The following GLIS3 variants were observed in gnomAD, a reference collection of about 807,000 sequenced individuals.
The protein encoded by GLIS3 is GLIS family zinc finger 3, also known as zinc finger protein GLIS3.
In GLIS3, 53 loss-of-function variants were observed where a neutral mutation model predicts 78.6. That is an observed-to-expected ratio of 0.67 (90% CI 0.54 to 0.85). GLIS3 has a LOEUF of 0.85. Ranked by LOEUF, GLIS3 falls within the 40% of genes least tolerant of loss-of-function variation. The probability of loss-of-function intolerance (pLI) is 0.00; values close to 1 mark genes in which losing one functional copy is unlikely to be tolerated. For synonymous variants in GLIS3, 684 were observed against 509.9 expected (o/e 1.34, Z -4.60); for missense variants, 1,703 against 1,231.1 (o/e 1.38, Z -5.74).
At chr9:3,859,398 C>T (rs904004980) in intron 8 of GLIS3, among the ~76,000 whole-genome samples, 7 of 84,106 alleles carry the variant, frequency 8.3e-5, no homozygotes, top group Non-Finnish European at 1.6e-4. Flanking sequence ...CACACACACA[C>T]ACATCAAAAT....
At chr9:3,842,069 A>T (rs2130081770) in intron 9 of GLIS3, among the ~76,000 whole-genome samples, 1 of 152,360 alleles carries the variant, frequency 6.6e-6, no homozygotes, top group South Asian at 2.1e-4. Context: ...CCGGCAGAGA[A>T]GATTCCAGAC....
At chr9:4,331,307 C>G (rs149566274) in intron 2 of GLIS3, among the ~76,000 whole-genome samples, 1 of 152,252 alleles carries the variant, frequency 6.6e-6, no homozygotes, top group East Asian at 1.9e-4. Context: ...TCTGAGTCCT[C>G]TCCTTGTCTC....
chr9:4,092,017 G>A (rs1211968674), intron 4 of GLIS3, among the ~76,000 whole-genome samples: 1 of 152,078 alleles, frequency 6.6e-6, no homozygotes, highest in Non-Finnish European at 1.5e-5. Flanking sequence ...AGTGAGTGCT[G>A]AGAAACGTGA....
chr9:4,220,355 C>T (rs1821214845), intron 2 of GLIS3, among the ~76,000 whole-genome samples: 1 of 152,152 alleles, frequency 6.6e-6, no homozygotes, highest in Non-Finnish European at 1.5e-5. Flanking sequence ...ACATCAAAAA[C>T]TTATTAATCA....
intron 2 of GLIS3, among the ~76,000 whole-genome samples, chr9:4,320,433 C>A (rs191413118): frequency 6.6e-6 from 1 of 152,310 alleles, no homozygotes; most frequent in African/African-American, 2.4e-5. Flanking sequence ...CTGACCCATC[C>A]CCACTTTATT....
the GLIS3 span, among the ~76,000 whole-genome samples, chr9:4,480,580 T>TA: frequency 1.2e-4 from 18 of 152,228 alleles, no homozygotes; most frequent in South Asian, 3.5e-3. Context: ...TACCTAATGC[T>TA]ATATATCATA....
At chr9:4,473,856 A>G in the GLIS3 span, among the ~76,000 whole-genome samples, 1 of 152,188 alleles carries the variant, frequency 6.6e-6, no homozygotes, top group African/African-American at 2.4e-5. Flanking sequence ...TTAGATACTG[A>G]GAGAAAAACC....
chr9:4,328,099 C>T lies in GLIS3; in HGVS notation n.265-17571G>A, dbSNP rs559343718. 3.9e-5 allele frequency among the ~76,000 whole-genome samples: 6 copies of T among 152,280 alleles called. No homozygotes were observed. The East Asian group carries it at 5.8e-4, about 15-fold the overall frequency. On this transcript the variant is annotated intron_variant and non_coding_transcript_variant, in intron 2 of 4. Transcript: ENST00000471664. ...CCCAGCACATATGGTCTTCTGGTCA[C>T]GTGGCCCACTGATGGAAAAGCCCTG... is the stretch of plus-strand genomic sequence containing the variant.
chr9:3,903,450 T>C (rs1042338728), intron 6 of GLIS3, among the ~76,000 whole-genome samples: 1 of 152,252 alleles, frequency 6.6e-6, no homozygotes, highest in African/African-American at 2.4e-5. Flanking sequence ...GACTGCCGTG[T>C]TGCATGACAC....
At chr9:4,358,945 T>C in the GLIS3 span, among the ~76,000 whole-genome samples, 12 of 152,190 alleles carry the variant, frequency 7.9e-5, no homozygotes, top group African/African-American at 2.9e-4. Context: ...TAGTTCAAGA[T>C]GTGGCTGGGT....
intron 9 of GLIS3, among the ~76,000 whole-genome samples, chr9:3,854,205 G>A (rs1819611988): frequency 6.6e-6 from 1 of 152,200 alleles, no homozygotes; most frequent in South Asian, 2.1e-4. Context: ...TCAGAGGGAA[G>A]AGGGCTCAAT....
At chr9:4,035,405 C>T (rs896426867) in intron 4 of GLIS3, among the ~76,000 whole-genome samples, 1 of 151,400 alleles carries the variant, frequency 6.6e-6, no homozygotes, top group African/African-American at 2.4e-5. Context: ...TTTGACAACC[C>T]CAGAATATCC....
rs896013245 is a variant in GLIS3, at chr9:4,256,633, G to C, written c.388+29405C>G. 3.3e-5 allele frequency among the ~76,000 whole-genome samples: 5 copies of C among 152,104 alleles called. No homozygotes were observed. The East Asian group carries it at 9.6e-4, about 29-fold the overall frequency. ...TCTACTCCTAGATCATCATCAGAGA[G>C]GTAGTAAAAGGTCTACGTAACACAA... On this transcript the variant is annotated intron_variant, in intron 2 of 10. Transcript: ENST00000381971.
chr9:4,318,660 G>A (rs1587383059), intron 2 of GLIS3, among the ~76,000 whole-genome samples: 1 of 152,096 alleles, frequency 6.6e-6, no homozygotes, highest in African/African-American at 2.4e-5. Flanking sequence ...TAATGGGGAA[G>A]AGAAACCTCT....
At chr9:4,164,092 T>G (rs1023289896) in intron 2 of GLIS3, among the ~76,000 whole-genome samples, 2 of 152,226 alleles carry the variant, frequency 1.3e-5, no homozygotes, top group African/African-American at 4.8e-5. Context: ...TATATGCTGG[T>G]TTTAATTTCC....
chr9:4,164,010 C>T (rs916673194), intron 2 of GLIS3, among the ~76,000 whole-genome samples: 1 of 152,198 alleles, frequency 6.6e-6, no homozygotes, highest in African/African-American at 2.4e-5. Flanking sequence ...TTAACTTTAA[C>T]CTTATTTCAT....
the GLIS3 span, among the ~76,000 whole-genome samples, chr9:4,462,340 T>C: frequency 6.6e-6 from 1 of 152,152 alleles, no homozygotes; most frequent in South Asian, 2.1e-4. Flanking sequence ...AAGCTCAAGA[T>C]TGGTGAAATT....
At chr9:3,971,287 T>C (rs1266820347) in intron 4 of GLIS3, among the ~76,000 whole-genome samples, 1 of 152,120 alleles carries the variant, frequency 6.6e-6, no homozygotes, top group African/African-American at 2.4e-5. Context: ...CTATGTCACA[T>C]CAGAAGGAGC....
chr9:4,416,812 G>GTTTTTT, the GLIS3 span, among the ~76,000 whole-genome samples: 11 of 95,794 alleles, frequency 1.1e-4, no homozygotes, highest in Non-Finnish European at 1.8e-4. Flanking sequence ...CCCATAGTCA[G>GTTTTTT]TTTTTTTTTT....
Sources: gnomAD v4.1 joint callset for allele counts (sites outside exome capture counted in the v4.1 genomes callset) on GRCh38, gnomAD v4.1.1 for gene constraint, MANE v1.5 for transcripts, NCBI Gene and HGNC (gene_info 2026-07-23, HGNC 2026-07-21) for gene names.